BLOC1S5: variants seen among roughly 807,000 people sequenced by gnomAD.
BLOC1S5 encodes the protein biogenesis of lysosome-related organelles complex 1 subunit 5.
Under a neutral mutation model 24.3 loss-of-function variants are expected in BLOC1S5, and 27 were observed. That is an observed-to-expected ratio of 1.11 (90% CI 0.82 to 1.53). The LOEUF is 1.53. Among genes scored for constraint, BLOC1S5 ranks in the 40% most tolerant of loss-of-function variants. BLOC1S5 has a pLI of 0.00. For synonymous variants in BLOC1S5, 84 were observed against 74.5 expected, an observed-to-expected ratio of 1.13 and a Z score of -0.66; for missense variants, 239 against 229.4, an observed-to-expected ratio of 1.04 and a Z score of -0.27.
In BLOC1S5 at chr6:8,014,322, G is replaced by C. The variant is rs984471321; in HGVS notation, c.*1327C>G. 1 of 152,016 alleles carries C rather than the reference G, an allele frequency of 6.6e-6. No homozygotes were observed. The highest frequency in any genetic ancestry group is 1.5e-5 in the Non-Finnish European group (1 of 68,020). 9.4% of individuals were successfully genotyped at this position (152,016 alleles called of 1,614,324 possible). On this transcript the variant is annotated 3_prime_UTR_variant, in exon 5 of 5. Coordinates refer to ENST00000397457, the MANE Select transcript of BLOC1S5 (RefSeq NM_201280.3). ...GGAGTCTCACTCTGTCACCCAAGCT[G>C]GAGTGCAGTGGTGCCATCTCAGCTC...
intron 2 of BLOC1S5, among the ~76,000 whole-genome samples, chr6:8,060,261 G>C (rs532631565): frequency 1.4e-4 from 22 of 152,350 alleles, no homozygotes; most frequent in African/African-American, 5.1e-4. Flanking sequence ...TGCTGATGCT[G>C]TAACAATCGT....
chr6:8,025,023 G>C (rs1348255575), intron 4 of BLOC1S5, among the ~76,000 whole-genome samples: 2 of 152,158 alleles, frequency 1.3e-5, no homozygotes, highest in Non-Finnish European at 1.5e-5. Context: ...ACTTCAAAGT[G>C]ACAAGAGAAA....
At chr6:8,055,856 C>G (rs991744425) in intron 2 of BLOC1S5, among the ~76,000 whole-genome samples, 2 of 152,126 alleles carry the variant, frequency 1.3e-5, no homozygotes, top group African/African-American at 4.8e-5. Flanking sequence ...AAATGGCCCA[C>G]TGCTATAGTT....
intron 2 of BLOC1S5, among the ~76,000 whole-genome samples, chr6:8,053,669 T>C (rs1288779736): frequency 2.6e-5 from 4 of 152,216 alleles, no homozygotes; most frequent in Admixed American, 2.0e-4. Context: ...TGCAGAGGCC[T>C]GTAACCAAAC....
chr6:8,033,321 C>T (rs935683283), intron 3 of BLOC1S5, among the ~76,000 whole-genome samples: 23 of 152,010 alleles, frequency 1.5e-4, no homozygotes, highest in African/African-American at 5.6e-4. Flanking sequence ...AGAAATAATG[C>T]CACACATCTA....
intron 4 of BLOC1S5, among the ~76,000 whole-genome samples, chr6:8,023,965 A>C (rs1326350989): frequency 6.6e-6 from 1 of 152,192 alleles, no homozygotes; most frequent in East Asian, 1.9e-4. Flanking sequence ...GACAGGACTA[A>C]AAGTTTATTG....
Position 8,062,474 on chromosome 6 carries a change from T to C in BLOC1S5, c.195+60A>G, listed in dbSNP as rs562783117. ...TTTTAAAACTGGGGAATTTCTCTTC[T>C]GTATAATAACACACTAACAATTAGG... On this transcript the variant is annotated intron_variant, in intron 2 of 4. Coordinates refer to ENST00000397457, the MANE Select transcript of BLOC1S5 (RefSeq NM_201280.3). The C allele has an allele frequency of 2.0e-5, 20 of 1,020,860 alleles. No homozygotes were observed. The African/African-American group carries it at 3.1e-4, about 16-fold the overall frequency. 63.2% of individuals were successfully genotyped at this position (1,020,860 alleles called of 1,614,324 possible).
At chr6:8,058,435 A>G (rs1235814819) in intron 2 of BLOC1S5, among the ~76,000 whole-genome samples, 3 of 150,372 alleles carry the variant, frequency 2.0e-5, no homozygotes, top group Non-Finnish European at 3.0e-5. Context: ...AAGAGAGAGT[A>G]GTGGAAACTA....
intron 3 of BLOC1S5, among the ~76,000 whole-genome samples, chr6:8,039,525 T>C (rs1763609655): frequency 6.6e-6 from 1 of 152,086 alleles, no homozygotes; most frequent in South Asian, 2.1e-4. Flanking sequence ...TTCCAAATTA[T>C]ATGAAAGCAT....
At chr6:8,020,016 GTC>G (rs1435521841) in intron 4 of BLOC1S5, among the ~76,000 whole-genome samples, 2 of 152,178 alleles carry the variant, frequency 1.3e-5, no homozygotes, top group Non-Finnish European at 2.9e-5. Context: ...ATAGCACAGT[GTC>G]TCTCTTTCTC....
At chr6:8,055,388 T>C (rs1187472529) in intron 2 of BLOC1S5, among the ~76,000 whole-genome samples, 1 of 152,202 alleles carries the variant, frequency 6.6e-6, no homozygotes, top group African/African-American at 2.4e-5. Flanking sequence ...TGAGCCGAGA[T>C]TGTACCACTG....
At chr6:8,023,932 A>C (rs1186688362) in intron 4 of BLOC1S5, among the ~76,000 whole-genome samples, 1 of 152,206 alleles carries the variant, frequency 6.6e-6, no homozygotes, top group Non-Finnish European at 1.5e-5. Context: ...AAAACAGAAA[A>C]AGAAAAAGAA....
intron 1 of BLOC1S5, among the ~76,000 whole-genome samples, chr6:8,063,032 T>C (rs974241295): frequency 2.2e-4 from 33 of 151,960 alleles, no homozygotes; most frequent in African/African-American, 7.2e-4. Context: ...TCAACATAAA[T>C]ATAAAAAATA....
Position 8,013,932 on chromosome 6 carries a change from A to C in BLOC1S5, c.*1717T>G, listed in dbSNP as rs1296498546. On this transcript the variant is annotated 3_prime_UTR_variant, in exon 5 of 5. Coordinates refer to ENST00000397457, the MANE Select transcript of BLOC1S5 (RefSeq NM_201280.3). The stretch of plus-strand genomic sequence containing the variant: ...CTGTCAAGCCTACAGTAGCGGATAG[A>C]GAAAGTTGGCAGAAGTTCAGTGTTA... 6.6e-6 allele frequency: 1 copy of C among 152,202 alleles called. No individual in the cohort carries two copies. The highest frequency in any genetic ancestry group is 1.9e-4 in the East Asian group (1 of 5,202). 9.4% of individuals were successfully genotyped at this position (152,202 alleles called of 1,614,324 possible).
At chr6:8,026,866 T>C (rs35325050) in intron 3 of BLOC1S5, among the ~76,000 whole-genome samples, 19,130 of 152,272 alleles carry the variant, frequency 0.13, 1,504 homozygotes, top group South Asian at 0.28. Flanking sequence ...GAACTGCTAG[T>C]AATAATTATT....
chr6:8,015,975 TAGAAACA>T, intron 4 of BLOC1S5, 147 bp from the exon 5 acceptor site: 1 of 668,420 alleles, frequency 1.5e-6, no homozygotes, highest in Admixed American at 3.2e-5. Flanking sequence ...GATGACACAT[TAGAAACA>T]TCTAAGGCTT....
At chr6:8,037,593 C>T (rs534160027) in intron 3 of BLOC1S5, among the ~76,000 whole-genome samples, 25 of 152,250 alleles carry the variant, frequency 1.6e-4, no homozygotes, top group Non-Finnish European at 3.4e-4. Flanking sequence ...ATACCAACGA[C>T]ATTTTTCATA....
chr6:8,051,425 G>A (rs1764102234), intron 2 of BLOC1S5, among the ~76,000 whole-genome samples: 1 of 152,202 alleles, frequency 6.6e-6, no homozygotes, highest in Non-Finnish European at 1.5e-5. Context: ...GTTGGTTCAT[G>A]AGATTTAAGG....
chr6:8,059,119 T>C (rs1300481873), intron 2 of BLOC1S5, among the ~76,000 whole-genome samples: 3 of 152,210 alleles, frequency 2.0e-5, no homozygotes, highest in African/African-American at 7.2e-5. Flanking sequence ...GACAATGCCT[T>C]TACCCACTGA....
Sources: gnomAD v4.1 joint callset for allele counts (sites outside exome capture counted in the v4.1 genomes callset) on GRCh38, gnomAD v4.1.1 for gene constraint, MANE v1.5 for transcripts, NCBI Gene and HGNC (gene_info 2026-07-23, HGNC 2026-07-21) for gene names.